Variants in SOX6 observed in about 807,000 individuals in gnomAD.
SOX6 encodes transcription factor SOX-6.
In SOX6, 11 loss-of-function variants were observed where a neutral mutation model predicts 97.8. That is an observed-to-expected ratio of 0.11 (90% CI 0.07 to 0.19). The LOEUF is 0.19. Among genes scored for constraint, SOX6 ranks in the 10% least tolerant of loss-of-function variants. The pLI is 1.00. For synonymous variants in SOX6, 360 were observed against 371.4 expected (o/e 0.97, Z 0.35); for missense variants, 810 against 1,039.5 (o/e 0.78, Z 3.04).
intron 3 of SOX6, among the ~76,000 whole-genome samples, chr11:16,689,148 A>T (rs1847992609): frequency 6.6e-6 from 1 of 152,144 alleles, no homozygotes; most frequent in Non-Finnish European, 1.5e-5. Context: ...CTTTCCCTGG[A>T]CGAGAATAGT....
chr11:16,149,422 T>C (rs1455100), intron 6 of SOX6, among the ~76,000 whole-genome samples: 12,719 of 152,084 alleles, frequency 0.084, 1,116 homozygotes, highest in East Asian at 0.37. Context: ...TTGACCCTTT[T>C]CAGTACATTC....
At chr11:16,224,417 A>T (rs2134161705) in intron 4 of SOX6, among the ~76,000 whole-genome samples, 1 of 152,194 alleles carries the variant, frequency 6.6e-6, no homozygotes, top group Non-Finnish European at 1.5e-5. Flanking sequence ...CCAACAGTTA[A>T]CAATGATTCT....
chr11:16,113,429 T>G (rs913836251), intron 6 of SOX6, among the ~76,000 whole-genome samples: 7 of 152,364 alleles, frequency 4.6e-5, no homozygotes, highest in African/African-American at 1.7e-4. Flanking sequence ...GAGTACAAAC[T>G]AAGCCTGCTT....
chr11:16,506,545 C>T (rs1860791794), intron 4 of SOX6, among the ~76,000 whole-genome samples: 1 of 152,134 alleles, frequency 6.6e-6, no homozygotes, highest in Admixed American at 6.5e-5. Context: ...TGGGGTACTG[C>T]TAAGAAGGCA....
intron 13 of SOX6, among the ~76,000 whole-genome samples, chr11:15,996,574 C>G (rs1033030549): frequency 1.3e-5 from 2 of 152,042 alleles, no homozygotes; most frequent in Non-Finnish European, 2.9e-5. Flanking sequence ...GGATGGGCCA[C>G]TGCACTCCAG....
chr11:16,328,717 C>T (rs548601229), intron 2 of SOX6, among the ~76,000 whole-genome samples: 50 of 152,244 alleles, frequency 3.3e-4, no homozygotes, highest in African/African-American at 1.2e-3. Flanking sequence ...ATATAAGACA[C>T]CTTCTACTAT....
chr11:16,318,087 A>G, intron 3 of SOX6: 1 of 401,738 alleles, frequency 2.5e-6, no homozygotes, highest in Non-Finnish European at 4.8e-6. Context: ...TGACATTTTT[A>G]TAAAGAAATA....
intron 3 of SOX6, chr11:16,313,752 A>C (rs1429644345): frequency 6.7e-6 from 1 of 149,670 alleles, no homozygotes; most frequent in African/African-American, 2.5e-5. Flanking sequence ...AAAAATTCTC[A>C]TTGCTCCCAT....
intron 3 of SOX6, among the ~76,000 whole-genome samples, chr11:16,666,690 A>T (rs7938238): frequency 0.035 from 5,399 of 152,208 alleles, 172 homozygotes; most frequent in African/African-American, 0.085. Flanking sequence ...CCAGCTATTC[A>T]GGAGGCTGAG....
chr11:16,598,122 C>G (rs953055922), intron 4 of SOX6, among the ~76,000 whole-genome samples: 1 of 151,980 alleles, frequency 6.6e-6, no homozygotes, highest in African/African-American at 2.4e-5. Flanking sequence ...TTATTTTATA[C>G]CAATCCCTCA....
chr11:16,621,382 G>A (rs567968753), intron 3 of SOX6, among the ~76,000 whole-genome samples: 13 of 152,290 alleles, frequency 8.5e-5, no homozygotes, highest in Admixed American at 1.3e-4. Context: ...TGCATTCCAT[G>A]AGTGTACAGT....
In SOX6 at chr11:15,979,336, C is replaced by T. The variant is rs536097078; in HGVS notation, c.2184-6224G>A. On this transcript the variant is annotated intron_variant, in intron 15 of 15. Transcript: ENST00000683767. Reference sequence around the variant, plus strand: ...TTCTTACCACCTCCACCCCTACAAACCTGGAACAAACCACCATCAACTCCA... The same window carrying T: ...TTCTTACCACCTCCACCCCTACAAATCTGGAACAAACCACCATCAACTCCA... Among the ~76,000 whole-genome samples, 44 of 152,060 alleles carry T rather than the reference C, an allele frequency of 2.9e-4. No individual in the cohort carries two copies. In the Middle Eastern group the frequency reaches 0.01, roughly 36 times the overall value.
intron 6 of SOX6, among the ~76,000 whole-genome samples, chr11:16,132,333 A>AGG (rs1849780393): frequency 1.9e-5 from 2 of 105,728 alleles, no homozygotes; most frequent in African/African-American, 7.3e-5. Context: ...GAAGGAAGGA[A>AGG]AGAAAAAAGA....
intron 2 of SOX6, among the ~76,000 whole-genome samples, chr11:16,334,111 C>T (rs1333167588): frequency 6.6e-6 from 1 of 151,838 alleles, no homozygotes; most frequent in Non-Finnish European, 1.5e-5. Context: ...GTCATTGGAT[C>T]TTATACAGAC....
chr11:16,286,250 G>A (rs933644273), intron 3 of SOX6, among the ~76,000 whole-genome samples: 2 of 152,052 alleles, frequency 1.3e-5, no homozygotes, highest in East Asian at 1.9e-4. Flanking sequence ...TGGGATCTAT[G>A]CAACTTAGTT....
At chr11:16,527,970 A>T (rs1861192080) in intron 4 of SOX6, among the ~76,000 whole-genome samples, 1 of 152,154 alleles carries the variant, frequency 6.6e-6, no homozygotes, top group African/African-American at 2.4e-5. Flanking sequence ...TTACAAAAAT[A>T]AATATTCATT....
intron 3 of SOX6, among the ~76,000 whole-genome samples, chr11:16,253,349 C>A (rs1438040563): frequency 6.8e-5 from 10 of 146,486 alleles, no homozygotes; most frequent in Non-Finnish European, 3.0e-5. Flanking sequence ...AATTCCGTGT[C>A]AAAAAAAAAA....
Position 16,270,630 on chromosome 11 carries a change from A to T in SOX6, c.446-35959T>A, listed in dbSNP as rs1233896408. Reference sequence around the variant, plus strand: ...CATCAATAGATGAATGAACAAACAAAATGTAATAACACACACACACACAAA... The same window carrying T: ...CATCAATAGATGAATGAACAAACAATATGTAATAACACACACACACACAAA... On this transcript the variant is annotated intron_variant, in intron 3 of 15. Coordinates refer to ENST00000683767, the MANE Select transcript of SOX6 (RefSeq NM_001367873.1). Among the ~76,000 whole-genome samples the T allele has an allele frequency of 3.9e-5, 5 of 128,832 alleles. No individual in the cohort carries two copies. The East Asian group carries it at 1.1e-3, about 29-fold the overall frequency. 84.5% of individuals were successfully genotyped at this position (128,832 alleles called of 152,430 possible).
chr11:16,257,221 T>G (rs1335148118), intron 3 of SOX6, among the ~76,000 whole-genome samples: 1 of 151,872 alleles, frequency 6.6e-6, no homozygotes, highest in Non-Finnish European at 1.5e-5. Context: ...CTAAAGTTTC[T>G]ATGAAGAGGC....
Sources: gnomAD v4.1 joint callset for allele counts (sites outside exome capture counted in the v4.1 genomes callset) on GRCh38, gnomAD v4.1.1 for gene constraint, MANE v1.5 for transcripts, NCBI Gene and HGNC (gene_info 2026-07-23, HGNC 2026-07-21) for gene names.